Variants in HSDL2 observed in about 807,000 individuals in gnomAD.
HSDL2 encodes the protein hydroxysteroid dehydrogenase-like protein 2.
In HSDL2, 27 loss-of-function variants were observed where a neutral mutation model predicts 46.3. The ratio of observed to expected loss-of-function variants is 0.58; its 90% confidence interval spans 0.43 to 0.80. HSDL2 has a LOEUF of 0.80. Ranked by LOEUF, HSDL2 falls within the 30% of genes least tolerant of loss-of-function variation. HSDL2 has a pLI of 0.00. For missense variants in HSDL2, 451 were observed against 502.7 expected, an observed-to-expected ratio of 0.90 and a Z score of 0.98; for synonymous variants, 153 against 163.6, an observed-to-expected ratio of 0.94 and a Z score of 0.50.
intron 6 of HSDL2, among the ~76,000 whole-genome samples, chr9:112,436,067 G>A (rs1194887279): frequency 1.3e-5 from 2 of 151,312 alleles, no homozygotes; most frequent in Non-Finnish European, 2.9e-5. Flanking sequence ...TTGAGCCCAC[G>A]AGTTGGAGAC....
intron 8 of HSDL2, among the ~76,000 whole-genome samples, chr9:112,443,500 A>C (rs1832683458): frequency 6.6e-6 from 1 of 152,212 alleles, no homozygotes; most frequent in African/African-American, 2.4e-5. Context: ...TAACACTTGA[A>C]TACTTAGTCT....
chr9:112,427,268 T>G (rs981908647), intron 6 of HSDL2, among the ~76,000 whole-genome samples: 1 of 152,186 alleles, frequency 6.6e-6, no homozygotes, highest in Non-Finnish European at 1.5e-5. Context: ...TTGGCCAGGC[T>G]GGTCTCGGAC....
chr9:112,453,660 T>C (rs1040918598), intron 8 of HSDL2, among the ~76,000 whole-genome samples: 1 of 152,206 alleles, frequency 6.6e-6, no homozygotes, highest in Non-Finnish European at 1.5e-5. Context: ...CCCAAAGTGC[T>C]GGAATTACAT....
At chr9:112,390,894 G>A (rs1393573796) in intron 1 of HSDL2, among the ~76,000 whole-genome samples, 2 of 152,114 alleles carry the variant, frequency 1.3e-5, no homozygotes, top group East Asian at 3.9e-4. Context: ...AAATTTTCTA[G>A]GCTGGACGCA....
intron 1 of HSDL2, among the ~76,000 whole-genome samples, chr9:112,392,454 C>T (rs1464518971): frequency 2.6e-5 from 4 of 152,118 alleles, no homozygotes; most frequent in African/African-American, 9.7e-5. Flanking sequence ...TATCTCACTC[C>T]CTCACTCCTT....
chr9:112,470,155 A>G (rs987517180), intron 10 of HSDL2, among the ~76,000 whole-genome samples: 8 of 152,234 alleles, frequency 5.3e-5, no homozygotes, highest in Non-Finnish European at 1.0e-4. Flanking sequence ...AGGGCCGTGT[A>G]TCCTTTAGTG....
intron 10 of HSDL2, among the ~76,000 whole-genome samples, chr9:112,465,155 G>A (rs1191753395): frequency 6.6e-6 from 1 of 152,154 alleles, no homozygotes; most frequent in Non-Finnish European, 1.5e-5. Flanking sequence ...TTGAGACAGA[G>A]TCTCGCGCAG....
At chr9:112,455,738 T>A (rs1181628953) in intron 9 of HSDL2, among the ~76,000 whole-genome samples, 1 of 152,228 alleles carries the variant, frequency 6.6e-6, no homozygotes, top group Non-Finnish European at 1.5e-5. Flanking sequence ...CATCTCTCCC[T>A]TCACCTCTTC....
At chr9:112,463,404 A>T (rs1833273370) in intron 10 of HSDL2, among the ~76,000 whole-genome samples, 1 of 152,102 alleles carries the variant, frequency 6.6e-6, no homozygotes, top group Non-Finnish European at 1.5e-5. Context: ...CACTGTACCC[A>T]GCCAATATTT....
chr9:112,449,912 T>TA (rs2132685825), intron 8 of HSDL2, among the ~76,000 whole-genome samples: 1 of 152,302 alleles, frequency 6.6e-6, no homozygotes, highest in East Asian at 1.9e-4. Context: ...TCTGATTCCT[T>TA]ACTTTTTTTA....
At chr9:112,464,838 C>T (rs1833329450) in intron 10 of HSDL2, among the ~76,000 whole-genome samples, 1 of 152,196 alleles carries the variant, frequency 6.6e-6, no homozygotes. Flanking sequence ...ATCCCCACCT[C>T]TACCCCTAAA....
intron 10 of HSDL2, chr9:112,469,856 A>G (rs1320380702): frequency 6.6e-6 from 1 of 152,192 alleles, no homozygotes; most frequent in African/African-American, 2.4e-5. Context: ...AGAGTAGCAG[A>G]TAACAAATGT....
At chr9:112,394,948 A>G (rs1831425314) in intron 1 of HSDL2, among the ~76,000 whole-genome samples, 1 of 152,212 alleles carries the variant, frequency 6.6e-6, no homozygotes, top group African/African-American at 2.4e-5. Flanking sequence ...AAAGGCACAT[A>G]AGCCCAATAA....
At chr9:112,381,319 G>T (rs747158679) in intron 1 of HSDL2, among the ~76,000 whole-genome samples, 8 of 152,094 alleles carry the variant, frequency 5.3e-5, no homozygotes, top group Admixed American at 2.6e-4. Context: ...ATGCACCGCT[G>T]TGCCCAGGGA....
chr9:112,413,500 AAAAG>A (rs2036786384), intron 4 of HSDL2, among the ~76,000 whole-genome samples: 2 of 48,532 alleles, frequency 4.1e-5, no homozygotes, highest in Non-Finnish European at 1.1e-4. Context: ...AAAAAGAAAA[AAAAG>A]AAAAGAAAAG....
In HSDL2 at chr9:112,438,550, G is replaced by C. The variant is rs370989736; in HGVS notation, c.718G>C (p.Gly240Arg). 22 of 1,612,170 alleles carry C rather than the reference G, an allele frequency of 1.4e-5. No individual in the cohort carries two copies. Among genetic ancestry groups the C allele is most frequent in the Non-Finnish European group, 1.8e-5 (21 of 1,179,044 alleles). Residue 240 changes from glycine (G) to arginine (R), a missense_variant, in exon 7 of 11, where the codon GGC becomes CGC. Transcript: ENST00000398805. ...SIFQKPKSFT[G>R]NFVIDENILK... ...TTTCCAAAAGCCAAAAAGTTTTACT[G>C]GCAACTTTGTCATTGATGAAAATAT...
rs754307198 is a variant in HSDL2, at chr9:112,438,427, A to G, written c.599-4A>G. On this transcript the variant is annotated splice_polypyrimidine_tract_variant and splice_region_variant and intron_variant, in intron 6 of 10. Coordinates refer to ENST00000398805, the MANE Select transcript of HSDL2 (RefSeq NM_032303.5). ...GTGTATGTGTGTGTGTGTTTTCTCT[A>G]CAGCCATACACACTGCTGCTATGGA... The G allele has an allele frequency of 1.1e-5, 17 of 1,550,504 alleles. No individual in the cohort carries two copies. The Middle Eastern group carries it at 5.2e-4, about 47-fold the overall frequency.
chr9:112,465,046 A>G (rs931457710), intron 10 of HSDL2, among the ~76,000 whole-genome samples: 4 of 152,204 alleles, frequency 2.6e-5, no homozygotes, highest in Admixed American at 6.5e-5. Flanking sequence ...AATGTTTTCA[A>G]GTTTCATCCT....
At chr9:112,451,797 A>T (rs1199203573) in intron 8 of HSDL2, among the ~76,000 whole-genome samples, 1 of 151,946 alleles carries the variant, frequency 6.6e-6, no homozygotes, top group Admixed American at 6.6e-5. Flanking sequence ...ATAAGAATAG[A>T]TACTGTGTGA....
Sources: allele counts gnomAD v4.1 joint callset (sites outside exome capture counted in the v4.1 genomes callset), GRCh38; gene constraint gnomAD v4.1.1; transcripts MANE v1.5; gene names NCBI Gene and HGNC (gene_info 2026-07-23, HGNC 2026-07-21).